EXOC6: variants seen among roughly 807,000 people sequenced by gnomAD.
EXOC6 encodes exocyst complex component 6, also known as SEC15-like 1.
Under a neutral mutation model 112.5 loss-of-function variants are expected in EXOC6, and 60 were observed. The observed-to-expected ratio is 0.53, with a 90% confidence interval of 0.43 to 0.66. The LOEUF (loss-of-function observed/expected upper bound fraction) is 0.66. EXOC6 is among the 30% of genes least tolerant of loss of function. EXOC6 has a pLI of 0.00. For missense variants in EXOC6, 855 were observed against 957.1 expected, an observed-to-expected ratio of 0.89 and a Z score of 1.41; for synonymous variants, 295 against 308.0, an observed-to-expected ratio of 0.96 and a Z score of 0.44.
At chr10:92,974,271 T>A (rs753662994) in intron 18 of EXOC6, 39 bp downstream of exon 18, 1 of 1,384,254 alleles carries the variant, frequency 7.2e-7, no homozygotes, top group Admixed American at 2.7e-5. Flanking sequence ...TTATGTTTGC[T>A]TACTAAAGTA....
chr10:92,947,695 G>T (rs937205914), intron 13 of EXOC6, among the ~76,000 whole-genome samples: 4 of 152,174 alleles, frequency 2.6e-5, no homozygotes, highest in African/African-American at 9.6e-5. Context: ...AGATCATGAG[G>T]TCAGGAGATC....
At chr10:92,858,689 A>G (rs1034318375) in intron 1 of EXOC6, among the ~76,000 whole-genome samples, 4 of 152,150 alleles carry the variant, frequency 2.6e-5, no homozygotes, top group Admixed American at 6.5e-5. Context: ...TTCTGTGAGC[A>G]TAGTTATTAT....
At chr10:92,981,337 A>G (rs748705667) in intron 18 of EXOC6, among the ~76,000 whole-genome samples, 7 of 152,156 alleles carry the variant, frequency 4.6e-5, no homozygotes, top group African/African-American at 1.7e-4. Flanking sequence ...ACCACCCAGC[A>G]CTGGTCTGTT....
chr10:92,837,057 C>A (rs1193092498), intron 1 of EXOC6, among the ~76,000 whole-genome samples: 1 of 151,318 alleles, frequency 6.6e-6, no homozygotes, highest in African/African-American at 2.4e-5. Context: ...AGACACAGGC[C>A]CTGCCCTCAG....
At chr10:92,903,606 GTGTC>G (rs1267735685) in intron 5 of EXOC6, among the ~76,000 whole-genome samples, 4 of 151,938 alleles carry the variant, frequency 2.6e-5, no homozygotes, top group Non-Finnish European at 5.9e-5. Context: ...CTTTTGTGAA[GTGTC>G]TGTTCACATC....
intron 1 of EXOC6, among the ~76,000 whole-genome samples, chr10:92,841,221 A>G (rs903342032): frequency 1.3e-5 from 2 of 152,004 alleles, no homozygotes; most frequent in South Asian, 4.1e-4. Context: ...TTTCCCATCT[A>G]TGTCTCTCCT....
At chr10:92,996,606 C>CAAA (rs34210520) in intron 18 of EXOC6, among the ~76,000 whole-genome samples, 3 of 142,080 alleles carry the variant, frequency 2.1e-5, no homozygotes, top group African/African-American at 5.2e-5. Context: ...GACTCTGTCT[C>CAAA]AAAAAAAAAA....
chr10:93,046,767 T>C (rs967032646), intron 20 of EXOC6, among the ~76,000 whole-genome samples: 2 of 151,904 alleles, frequency 1.3e-5, no homozygotes, highest in African/African-American at 4.8e-5. Flanking sequence ...CCGACTAATT[T>C]TGTATTTTTA....
chr10:92,920,113 T>C (rs1050480575), intron 8 of EXOC6, 63 bp downstream of exon 8: 2 of 1,058,960 alleles, frequency 1.9e-6, no homozygotes, highest in African/African-American at 3.3e-5. Context: ...TGTATGTATT[T>C]TAGGCCCTAA....
At position 93,059,025 on chromosome 10, in the gene EXOC6, A is replaced by G. The variant is rs1324608032; in HGVS notation, c.*670A>G. 1 of 152,178 alleles carries G rather than the reference A, an allele frequency of 6.6e-6. No homozygotes were observed. Among genetic ancestry groups the G allele is most frequent in the African/African-American group, 2.4e-5 (1 of 41,438 alleles). 9.4% of individuals were successfully genotyped at this position (152,178 alleles called of 1,614,324 possible). ...CTGTTCATCAGGGTTAATATTTCTA[A>G]CTATATTGCTTGTAGGTGACCCCAT... On this transcript the variant is annotated 3_prime_UTR_variant, in exon 22 of 22. Coordinates refer to ENST00000260762, the MANE Select transcript of EXOC6 (RefSeq NM_019053.6).
At chr10:92,879,701 T>C (rs2133761675) in intron 1 of EXOC6, among the ~76,000 whole-genome samples, 1 of 152,280 alleles carries the variant, frequency 6.6e-6, no homozygotes, top group African/African-American at 2.4e-5. Context: ...CCATCAGTTT[T>C]CAATATATGT....
At chr10:92,906,808 T>G (rs896354633) in intron 5 of EXOC6, among the ~76,000 whole-genome samples, 5 of 152,194 alleles carry the variant, frequency 3.3e-5, no homozygotes, top group African/African-American at 7.2e-5. Context: ...GCTGATGAGT[T>G]AATTACAACA....
chr10:92,932,982 A>G (rs564975351), intron 9 of EXOC6, among the ~76,000 whole-genome samples: 1 of 152,322 alleles, frequency 6.6e-6, no homozygotes. Context: ...GACTAGCTTT[A>G]GAGTTTGGTT....
chr10:92,955,962 A>G (rs1211546490), intron 17 of EXOC6, among the ~76,000 whole-genome samples: 1 of 152,184 alleles, frequency 6.6e-6, no homozygotes, highest in African/African-American at 2.4e-5. Context: ...GATGATTTAT[A>G]GTAGTGCTGA....
chr10:93,034,359 C>G (rs1222532815), intron 20 of EXOC6, among the ~76,000 whole-genome samples: 4 of 152,194 alleles, frequency 2.6e-5, no homozygotes, highest in Non-Finnish European at 5.9e-5. Context: ...GCACCCACCT[C>G]CTTGTTCTTA....
At chr10:92,934,268 G>GT (rs397845003) in intron 10 of EXOC6, 42 bp from the exon 11 acceptor site, 61,022 of 1,040,676 alleles carry the variant, frequency 0.059, 130 homozygotes, top group South Asian at 0.07. Context: ...TTCTATTAGG[G>GT]TTTTTTTTTT....
chr10:92,867,321 A>G (rs1455979148), intron 1 of EXOC6, among the ~76,000 whole-genome samples: 2 of 152,210 alleles, frequency 1.3e-5, no homozygotes, highest in Non-Finnish European at 2.9e-5. Context: ...CGAATTCTCA[A>G]TCATTGCTGC....
rs1853164246 is a variant in EXOC6, at chr10:92,948,362, G to A, written c.1399G>A (p.Asp467Asn). ...KIVISKFPFQ[D>N]PDLEKQSFPK... ...TGTCATCAGCAAATTTCCCTTTCAA[G>A]ATCCAGACCTTGAAAAGGTACAAGC... Residue 467 changes from aspartate to asparagine, a missense_variant, in exon 14 of 22, where the codon GAT becomes AAT. Physicochemically the swap from Asp to Asn is conservative, Grantham distance 23. Coordinates refer to ENST00000260762, the MANE Select transcript of EXOC6 (RefSeq NM_019053.6). 1 of 1,591,492 alleles carries A rather than the reference G, an allele frequency of 6.3e-7. No homozygotes were observed. The highest frequency in any genetic ancestry group is 8.6e-7 in the Non-Finnish European group (1 of 1,167,482).
At chr10:92,857,827 A>C (rs1015368003) in intron 1 of EXOC6, among the ~76,000 whole-genome samples, 1 of 151,534 alleles carries the variant, frequency 6.6e-6, no homozygotes, top group African/African-American at 2.4e-5. Context: ...TGTGTGATCA[A>C]ATGGTCATCT....
Sources: allele counts gnomAD v4.1 joint callset (sites outside exome capture counted in the v4.1 genomes callset), GRCh38; gene constraint gnomAD v4.1.1; transcripts MANE v1.5; gene names NCBI Gene and HGNC (gene_info 2026-07-23, HGNC 2026-07-21).